The following MAPKAP1 variants were observed in gnomAD, a reference collection of about 807,000 sequenced individuals.
The protein encoded by MAPKAP1 is target of rapamycin complex 2 subunit MAPKAP1.
In MAPKAP1, 20 loss-of-function variants were observed where a neutral mutation model predicts 65.7. The ratio of observed to expected loss-of-function variants is 0.30; its 90% CI spans 0.21 to 0.44. MAPKAP1 has a LOEUF of 0.44. Ranked by LOEUF, MAPKAP1 falls within the 20% of genes least tolerant of loss-of-function variation. The pLI is 1.00. For synonymous variants in MAPKAP1, 222 were observed against 244.3 expected (o/e 0.91, Z 0.85); for missense variants, 423 against 648.0 (o/e 0.65, Z 3.77).
intron 4 of MAPKAP1, among the ~76,000 whole-genome samples, chr9:125,645,066 C>G (rs1319593250): frequency 6.6e-6 from 1 of 152,006 alleles, no homozygotes; most frequent in Non-Finnish European, 1.5e-5. Context: ...CATTCTGGGT[C>G]CTTTGTGTCT....
intron 7 of MAPKAP1, among the ~76,000 whole-genome samples, chr9:125,523,302 G>A (rs1376680195): frequency 6.6e-6 from 1 of 152,114 alleles, no homozygotes; most frequent in African/African-American, 2.4e-5. Flanking sequence ...ATTTCCTTGT[G>A]CATAAATCAT....
chr9:125,662,303 G>A (rs1003117720), intron 3 of MAPKAP1, among the ~76,000 whole-genome samples: 2 of 152,064 alleles, frequency 1.3e-5, no homozygotes, highest in African/African-American at 4.8e-5. Flanking sequence ...AATCACTTGA[G>A]CCCAGGAAGT....
chr9:125,677,123 A>C (rs72769146), intron 1 of MAPKAP1, among the ~76,000 whole-genome samples: 34 of 152,116 alleles, frequency 2.2e-4, no homozygotes, highest in Non-Finnish European at 4.4e-4. Flanking sequence ...GATGTTACCA[A>C]CTCTTGATTC....
chr9:125,601,779 A>G (rs1292199548), intron 4 of MAPKAP1, among the ~76,000 whole-genome samples: 2 of 152,202 alleles, frequency 1.3e-5, no homozygotes, highest in Non-Finnish European at 2.9e-5. Context: ...CTCAAAATGC[A>G]CACGTGAAAT....
chr9:125,639,469 T>G (rs530476679), intron 4 of MAPKAP1, among the ~76,000 whole-genome samples: 12 of 152,374 alleles, frequency 7.9e-5, no homozygotes, highest in Non-Finnish European at 1.0e-4. Context: ...GCCTGGCACA[T>G]AGCTAATTCT....
At chr9:125,523,065 G>T (rs1455622988) in intron 7 of MAPKAP1, among the ~76,000 whole-genome samples, 1 of 152,184 alleles carries the variant, frequency 6.6e-6, no homozygotes, top group Non-Finnish European at 1.5e-5. Context: ...AGTTGCACCA[G>T]TTAACGTCTT....
intron 7 of MAPKAP1, among the ~76,000 whole-genome samples, chr9:125,520,109 G>T (rs1433691882): frequency 7.2e-5 from 11 of 152,198 alleles, no homozygotes; most frequent in Non-Finnish European, 1.0e-4. Context: ...TCCTGGGTAA[G>T]TTACTTAGCC....
intron 4 of MAPKAP1, among the ~76,000 whole-genome samples, chr9:125,652,679 A>G (rs909495805): frequency 1.3e-5 from 2 of 152,140 alleles, no homozygotes; most frequent in African/African-American, 4.8e-5. Flanking sequence ...GCTAAGCCCA[A>G]AAAGTAGGAT....
At chr9:125,505,054 A>G (rs1344694840) in intron 8 of MAPKAP1, among the ~76,000 whole-genome samples, 1 of 152,212 alleles carries the variant, frequency 6.6e-6, no homozygotes, top group Non-Finnish European at 1.5e-5. Flanking sequence ...AAAGTATGTA[A>G]TTCTAAATAC....
chr9:125,467,899 C>T (rs1238237757), intron 10 of MAPKAP1, 73 bp downstream of exon 10: 1 of 1,511,780 alleles, frequency 6.6e-7, no homozygotes, highest in Non-Finnish European at 9.0e-7. Flanking sequence ...AATATATTCT[C>T]CTGGCACCCA....
intron 9 of MAPKAP1, 91 bp downstream of exon 9, chr9:125,484,352 G>C (rs1187107358): frequency 5.5e-6 from 7 of 1,282,922 alleles, no homozygotes; most frequent in African/African-American, 1.5e-5. Flanking sequence ...TAGTCATTCA[G>C]GTCACATAAA....
chr9:125,542,922 GCATAGAT>G (rs751921969), intron 7 of MAPKAP1, 130 bp downstream of exon 7: 1 of 780,676 alleles, frequency 1.3e-6, no homozygotes, highest in Non-Finnish European at 2.4e-6. Flanking sequence ...ACCTTTTCTT[GCATAGAT>G]CAGCTAACCA....
Position 125,577,253 on chromosome 9 carries a change from G to A in MAPKAP1, c.671+8302C>T, listed in dbSNP as rs534178463. ...AGACCCTCTGCCTGGCAACCGCCCC[G>A]TCTGAGAAGTGAGGAGCCCCTCCAC... On this transcript the variant is annotated intron_variant, in intron 5 of 11. Transcript: ENST00000265960. Among the ~76,000 whole-genome samples the A allele has an allele frequency of 1.2e-4, 18 of 150,482 alleles. 1 individual carries two copies. The highest frequency in any genetic ancestry group is 6.3e-4 in the South Asian group (3 of 4,758).
chr9:125,573,858 C>G (rs1396740168), intron 5 of MAPKAP1, among the ~76,000 whole-genome samples: 1 of 152,206 alleles, frequency 6.6e-6, no homozygotes. Flanking sequence ...CTCTCATAAA[C>G]AGTGTTCCTT....
chr9:125,448,145 G>A (rs980570993), intron 10 of MAPKAP1, among the ~76,000 whole-genome samples: 2 of 152,174 alleles, frequency 1.3e-5, no homozygotes, highest in African/African-American at 4.8e-5. Context: ...TAGTCAGCCA[G>A]GTAGGAGTGA....
intron 1 of MAPKAP1, among the ~76,000 whole-genome samples, chr9:125,681,574 T>G (rs946387923): frequency 6.6e-6 from 1 of 152,112 alleles, no homozygotes; most frequent in Admixed American, 6.5e-5. Flanking sequence ...ATCTTACATC[T>G]GCCAAGATCC....
chr9:125,493,215 ATCTTGAAG>A lies in MAPKAP1; in HGVS notation c.1067-8640_1067-8633del, dbSNP rs1439035526. Among the ~76,000 whole-genome samples the A allele has an allele frequency of 5.9e-5, 9 of 152,292 alleles. No homozygotes were observed. The East Asian group carries it at 1.7e-3, about 29-fold the overall frequency. On this transcript the variant is annotated intron_variant, in intron 8 of 11. Transcript: ENST00000265960. The stretch of plus-strand genomic sequence containing the variant: ...CATAAACCCTTCTCTGCTCCACTCT[ATCTTGAAG>A]TCTTATTGCTACTCCCCACGCAGAA...
intron 5 of MAPKAP1, among the ~76,000 whole-genome samples, chr9:125,579,228 A>G (rs1831542078): frequency 6.6e-6 from 1 of 152,214 alleles, no homozygotes. Context: ...CAAATTCTCC[A>G]TTCCTTCATT....
chr9:125,665,088 G>C (rs1834302936), intron 3 of MAPKAP1, among the ~76,000 whole-genome samples: 1 of 152,072 alleles, frequency 6.6e-6, no homozygotes, highest in South Asian at 2.1e-4. Flanking sequence ...GATCACATGA[G>C]GCCAGGAGTT....
Sources: gnomAD v4.1 joint callset for allele counts (sites outside exome capture counted in the v4.1 genomes callset) on GRCh38, gnomAD v4.1.1 for gene constraint, MANE v1.5 for transcripts, NCBI Gene and HGNC (gene_info 2026-07-23, HGNC 2026-07-21) for gene names.